Variants in DDX1 observed in about 807,000 individuals in gnomAD.
DDX1 encodes the protein ATP-dependent RNA helicase DDX1.
In DDX1, 28 loss-of-function variants were observed where a neutral mutation model predicts 108.7. The ratio of observed to expected loss-of-function variants is 0.26; its 90% CI spans 0.19 to 0.35. The LOEUF is 0.35. Ranked by LOEUF, DDX1 falls within the 10% of genes least tolerant of loss-of-function variation. The pLI is 1.00. For missense variants in DDX1, 710 were observed against 884.5 expected (o/e 0.80, Z 2.50); for synonymous variants, 295 against 288.9 (o/e 1.02, Z -0.21).
At chr2:15,592,294 C>T (rs958842276) in intron 1 of DDX1, among the ~76,000 whole-genome samples, 2 of 152,316 alleles carry the variant, frequency 1.3e-5, no homozygotes, top group Admixed American at 1.3e-4. Context: ...TGCCTCTTAA[C>T]GTGGCAGTGA....
chr2:15,617,758 A>G (rs1350301245), intron 15 of DDX1, among the ~76,000 whole-genome samples: 1 of 152,246 alleles, frequency 6.6e-6, no homozygotes, highest in Admixed American at 6.5e-5. Flanking sequence ...TCAGAGATAC[A>G]AAATGTAGAC....
At chr2:15,622,666 C>T (rs536767424) in intron 18 of DDX1, among the ~76,000 whole-genome samples, 1 of 152,182 alleles carries the variant, frequency 6.6e-6, no homozygotes, top group African/African-American at 2.4e-5. Flanking sequence ...ACTTAGTTAT[C>T]CTTATTGTTG....
At chr2:15,609,775 T>G (rs576388492) in intron 13 of DDX1, among the ~76,000 whole-genome samples, 2 of 152,194 alleles carry the variant, frequency 1.3e-5, no homozygotes, top group South Asian at 4.1e-4. Flanking sequence ...TTTAGGACAA[T>G]AGTCCAAACC....
intron 13 of DDX1, among the ~76,000 whole-genome samples, chr2:15,611,908 C>T (rs1461064671): frequency 5.5e-4 from 14 of 25,444 alleles, no homozygotes; most frequent in East Asian, 8.9e-3. Flanking sequence ...GCTGGCCGGG[C>T]GGGGAGCTGA....
intron 1 of DDX1, among the ~76,000 whole-genome samples, chr2:15,594,522 T>C (rs576851776): frequency 4.2e-4 from 64 of 152,326 alleles, no homozygotes; most frequent in African/African-American, 1.4e-3. Context: ...TATTGAGATA[T>C]GTATACAGTT....
At chr2:15,629,912 C>G in intron 24 of DDX1, 78 bp from the exon 25 acceptor site, 1 of 1,393,104 alleles carries the variant, frequency 7.2e-7, no homozygotes, top group Non-Finnish European at 9.8e-7. Context: ...CTGGCCTTTC[C>G]AGCTTTATTT....
rs1233607382 is a variant in DDX1, at chr2:15,602,550, A to G, written c.310A>G (p.Ile104Val). Residue 104 changes from isoleucine (I) to valine (V), a missense_variant and splice_region_variant, in exon 7 of 26, where the codon ATT becomes GTT. Coordinates refer to ENST00000233084, the MANE Select transcript of DDX1 (RefSeq NM_004939.3). ...NPYDRGSAFAIGSDGLCCQSR... is the reference protein window; with the variant it reads ...NPYDRGSAFAVGSDGLCCQSR... The stretch of plus-strand genomic sequence containing the variant: ...CTGTGTTTTCTTCTCAAATCCAGCA[A>G]TTGGGTCAGATGGTCTTTGTTGTCA... 10 of 1,612,646 alleles carry G rather than the reference A, an allele frequency of 6.2e-6. No individual in the cohort carries two copies. The South Asian group carries it at 6.6e-5, about 11-fold the overall frequency.
intron 18 of DDX1, 52 bp from the exon 19 acceptor site, chr2:15,623,384 A>G (rs1666042380): frequency 6.3e-7 from 1 of 1,584,948 alleles, no homozygotes; most frequent in Non-Finnish European, 8.6e-7. Flanking sequence ...TGTATTCATG[A>G]CAAGTTCAGA....
intron 23 of DDX1, among the ~76,000 whole-genome samples, chr2:15,629,165 A>G (rs1242645637): frequency 1.3e-5 from 2 of 152,206 alleles, no homozygotes; most frequent in African/African-American, 4.8e-5. Flanking sequence ...TTACAAATTT[A>G]TAGAAAAGTT....
intron 16 of DDX1, among the ~76,000 whole-genome samples, chr2:15,619,564 T>G (rs537131288): frequency 6.6e-6 from 1 of 152,234 alleles, no homozygotes; most frequent in Middle Eastern, 3.2e-3. Flanking sequence ...TTAATGCTTA[T>G]GAGCAGGGTC....
At chr2:15,628,963 T>C in intron 23 of DDX1, 124 bp downstream of exon 23, 1 of 847,846 alleles carries the variant, frequency 1.2e-6, no homozygotes, top group Non-Finnish European at 1.9e-6. Flanking sequence ...AAATGAACTT[T>C]TTAATGTCAT....
At chr2:15,602,713 G>T in intron 7 of DDX1, 82 bp downstream of exon 7, 1 of 1,124,492 alleles carries the variant, frequency 8.9e-7, no homozygotes, top group Non-Finnish European at 1.3e-6. Flanking sequence ...TTGTTTGTTT[G>T]TTTTTGAGAT....
Position 15,628,061 on chromosome 2 carries a change from T to A in DDX1, c.1687-384T>A, listed in dbSNP as rs141803361. 4.6e-5 allele frequency among the ~76,000 whole-genome samples: 7 copies of A among 152,336 alleles called. No homozygotes were observed. In the East Asian group the frequency reaches 1.3e-3, roughly 29 times the overall value. The stretch of plus-strand genomic sequence containing the variant: ...AAAAATGTAGCCTCCAGGTAAAATA[T>A]CTAGTATTCTGAGTTTATTTGAATT... On this transcript the variant is annotated intron_variant, in intron 20 of 25. Transcript: ENST00000233084.
intron 11 of DDX1, 54 bp from the exon 12 acceptor site, chr2:15,606,096 C>T (rs41264195): frequency 0.17 from 262,456 of 1,564,064 alleles, 24,182 homozygotes; most frequent in East Asian, 0.38. Context: ...ATTTTGTATA[C>T]GATGGTTTTC....
chr2:15,603,357 A>G, intron 8 of DDX1, 82 bp downstream of exon 8: 1 of 954,590 alleles, frequency 1.0e-6, no homozygotes, highest in East Asian at 2.5e-5. Flanking sequence ...AAAATAATAA[A>G]TTTAACCATA....
At chr2:15,601,544 A>G (rs1273624025) in intron 6 of DDX1, among the ~76,000 whole-genome samples, 1 of 152,232 alleles carries the variant, frequency 6.6e-6, no homozygotes, top group Non-Finnish European at 1.5e-5. Flanking sequence ...TTTTAAAGCT[A>G]TTATAAAGAA....
At position 15,630,849 on chromosome 2, in the gene DDX1, GC is replaced by G. The variant is rs1468536579; in HGVS notation, c.2167del (p.Gln723ArgfsTer24). On this transcript the variant is annotated frameshift_variant, in exon 26 of 26. Coordinates refer to ENST00000233084, the MANE Select transcript of DDX1 (RefSeq NM_004939.3). LOFTEE classifies it high-confidence loss of function. ...AGTTGGCTGCCCTTGAAAAGGAGGC[GC>G]AGACATCTTTCCTGCATCTTGGCTA... is the stretch of plus-strand genomic sequence containing the variant. Reference protein sequence around the residue: ...QELAALEKEAQTSFLHLGYLP... With the variant: ...QELAALEKEAXTSFLHLGYLP... 1 of 1,613,930 alleles carries G rather than the reference GC, an allele frequency of 6.2e-7. No individual in the cohort carries two copies. The highest frequency in any genetic ancestry group is 8.5e-7 in the Non-Finnish European group (1 of 1,179,946).
In DDX1 at chr2:15,603,799, A is replaced by G. The variant is rs879017488; in HGVS notation, c.476-15A>G. The G allele has an allele frequency of 1.9e-6, 3 of 1,563,712 alleles. No individual in the cohort carries two copies. The South Asian group carries it at 3.5e-5, about 18-fold the overall frequency. On this transcript the variant is annotated splice_polypyrimidine_tract_variant and intron_variant, in intron 8 of 25. Transcript: ENST00000233084. ...TTTTCTCTTACCAGAAAAGTAAAATATTTTTTAAATCTAGGTACTGACAAG... is the reference window on the plus strand; with the variant it reads ...TTTTCTCTTACCAGAAAAGTAAAATGTTTTTTAAATCTAGGTACTGACAAG...
intron 13 of DDX1, among the ~76,000 whole-genome samples, chr2:15,607,610 G>A (rs1043257293): frequency 4.0e-5 from 6 of 151,792 alleles, no homozygotes; most frequent in Admixed American, 6.6e-5. Flanking sequence ...TTCTGAGACC[G>A]GGATCTCAAT....
Sources: gnomAD v4.1 joint callset for allele counts (sites outside exome capture counted in the v4.1 genomes callset) on GRCh38, gnomAD v4.1.1 for gene constraint, MANE v1.5 for transcripts, NCBI Gene and HGNC (gene_info 2026-07-23, HGNC 2026-07-21) for gene names.